SGF29: variants seen among roughly 807,000 people sequenced by gnomAD.
The protein encoded by SGF29 is SAGA complex associated factor 29, also known as SAGA-associated factor 29.
Under a neutral mutation model 38.1 loss-of-function variants are expected in SGF29, and 15 were observed. That is an observed-to-expected ratio of 0.39 (90% CI 0.26 to 0.61). The LOEUF (loss-of-function observed/expected upper bound fraction) is 0.61, where lower values mean the gene tolerates loss of function less well. Ranked by LOEUF, SGF29 falls within the 20% of genes least tolerant of loss-of-function variation. The pLI, the probability that SGF29 is intolerant of heterozygous loss-of-function variation, is 0.49. For missense variants in SGF29, 184 were observed against 394.6 expected (o/e 0.47, Z 4.52); for synonymous variants, 151 against 160.8 (o/e 0.94, Z 0.46).
chr16:28,564,588 TATAC>T (rs1311560200), intron 1 of SGF29, among the ~76,000 whole-genome samples: 1 of 130,340 alleles, frequency 7.7e-6, no homozygotes, highest in African/African-American at 2.8e-5. Context: ...CACGTATATA[TATAC>T]ACACATATAT....
intron 1 of SGF29, among the ~76,000 whole-genome samples, chr16:28,573,219 C>T (rs2046874906): frequency 6.6e-6 from 1 of 151,804 alleles, no homozygotes. Context: ...GGGGTGAGGA[C>T]CTGGGGGGGT....
At chr16:28,577,673 GAA>G in intron 1 of SGF29, among the ~76,000 whole-genome samples, 1 of 152,280 alleles carries the variant, frequency 6.6e-6, no homozygotes. Context: ...TTGTAGGTGT[GAA>G]GTGGTGTCTT....
intron 1 of SGF29, 99 bp from the exon 2 acceptor site, chr16:28,580,956 C>T: frequency 4.5e-6 from 4 of 896,650 alleles, no homozygotes; most frequent in East Asian, 2.6e-5. Context: ...GCTGGGATTA[C>T]AGCATGAGCC....
At chr16:28,584,841 C>A in intron 2 of SGF29, 72 bp from the exon 3 acceptor site, 4 of 1,038,518 alleles carry the variant, frequency 3.9e-6, no homozygotes, top group South Asian at 1.4e-5. Flanking sequence ...GATGGGGACT[C>A]TGGCCTGGCT....
At chr16:28,555,059 A>G (rs989729736) in intron 1 of SGF29, among the ~76,000 whole-genome samples, 1 of 152,198 alleles carries the variant, frequency 6.6e-6, no homozygotes, top group African/African-American at 2.4e-5. Context: ...TGGTGTTATT[A>G]CAGCTCACTG....
intron 2 of SGF29, among the ~76,000 whole-genome samples, chr16:28,584,375 C>T (rs962019977): frequency 6.6e-6 from 1 of 152,114 alleles, no homozygotes; most frequent in Admixed American, 6.5e-5. Context: ...AAAATGAGGG[C>T]CATAGCCGGG....
At chr16:28,564,597 A>T (rs1043620723) in intron 1 of SGF29, among the ~76,000 whole-genome samples, 1 of 131,300 alleles carries the variant, frequency 7.6e-6, no homozygotes, top group East Asian at 2.0e-4. Context: ...ATATACACAC[A>T]TATATGTGTA....
Position 28,590,678 on chromosome 16 carries a change from G to A in SGF29, c.602+12G>A. 1 of 1,614,116 alleles carries A rather than the reference G, an allele frequency of 6.2e-7. No homozygotes were observed. The highest frequency in any genetic ancestry group is 8.5e-7 in the Non-Finnish European group (1 of 1,180,000). On this transcript the variant is annotated intron_variant, in intron 8 of 9. Transcript: ENST00000317058. This position sits in a 1 kb window ranked among gnomAD's most constrained non-coding sequence, Gnocchi z 8.2. ...GAAGAAGGCAAAGAGTGAGTGTCCA[G>A]GCCAGGGCAGGGCATGGAGCCTGGG... is the stretch of plus-strand genomic sequence containing the variant.
chr16:28,585,775 T>G (rs182469671), intron 4 of SGF29, 55 bp downstream of exon 4: 2 of 1,522,284 alleles, frequency 1.3e-6, no homozygotes, highest in East Asian at 4.5e-5. Flanking sequence ...GGGGCTGGGC[T>G]GCAGGTCCAT....
intron 1 of SGF29, among the ~76,000 whole-genome samples, chr16:28,572,143 AT>A (rs1357953478): frequency 1.3e-5 from 2 of 150,916 alleles, no homozygotes; most frequent in Non-Finnish European, 2.9e-5. Context: ...CGCCCGGCTA[AT>A]TTTTAGTATT....
intron 1 of SGF29, among the ~76,000 whole-genome samples, chr16:28,572,517 C>T (rs2046870986): frequency 6.6e-6 from 1 of 152,126 alleles, no homozygotes; most frequent in Non-Finnish European, 1.5e-5. Flanking sequence ...AATCCGCCTG[C>T]CTCGGCTTCC....
intron 1 of SGF29, among the ~76,000 whole-genome samples, chr16:28,564,737 GTATA>G: frequency 8.8e-5 from 1 of 11,352 alleles, no homozygotes; most frequent in Admixed American, 1.2e-3. Flanking sequence ...ACATATATAT[GTATA>G]TATGTATATA....
At chr16:28,557,683 ACT>A (rs1434981972) in intron 1 of SGF29, among the ~76,000 whole-genome samples, 1 of 151,860 alleles carries the variant, frequency 6.6e-6, no homozygotes, top group Non-Finnish European at 1.5e-5. Flanking sequence ...GGGGTTTGAC[ACT>A]CTGTCTGGGT....
intron 1 of SGF29, among the ~76,000 whole-genome samples, chr16:28,563,473 C>A (rs976080352): frequency 3.9e-5 from 6 of 152,184 alleles, no homozygotes; most frequent in Non-Finnish European, 8.8e-5. Flanking sequence ...CTGAAAGTTT[C>A]AACCTCTGTG....
At chr16:28,584,104 C>T (rs1341124894) in intron 2 of SGF29, among the ~76,000 whole-genome samples, 1 of 151,552 alleles carries the variant, frequency 6.6e-6, no homozygotes, top group East Asian at 1.9e-4. Flanking sequence ...CTCACTGCAA[C>T]CTCAGCCTCC....
intron 1 of SGF29, among the ~76,000 whole-genome samples, chr16:28,568,675 G>T (rs761276764): frequency 6.6e-6 from 1 of 152,114 alleles, no homozygotes; most frequent in Non-Finnish European, 1.5e-5. Context: ...AGCACTTTGG[G>T]AGGCCGAGGG....
At chr16:28,561,014 G>A (rs1300042391) in intron 1 of SGF29, among the ~76,000 whole-genome samples, 1 of 151,200 alleles carries the variant, frequency 6.6e-6, no homozygotes, top group African/African-American at 2.4e-5. Flanking sequence ...GGACCCAGAT[G>A]TTGGTATCAA....
intron 1 of SGF29, among the ~76,000 whole-genome samples, chr16:28,572,415 C>T (rs1415219269): frequency 6.6e-6 from 1 of 152,202 alleles, no homozygotes; most frequent in Non-Finnish European, 1.5e-5. Context: ...ATTACAGGCA[C>T]CGGCCACCAC....
At chr16:28,576,758 A>G (rs898826400) in intron 1 of SGF29, among the ~76,000 whole-genome samples, 1 of 152,234 alleles carries the variant, frequency 6.6e-6, no homozygotes, top group Non-Finnish European at 1.5e-5. Context: ...CGCTCATAGC[A>G]GCATTATTCA....
Sources: gnomAD v4.1 joint callset for allele counts (sites outside exome capture counted in the v4.1 genomes callset) on GRCh38, gnomAD v4.1.1 for gene constraint, Gnocchi (gnomAD v3.1) non-coding constraint, MANE v1.5 for transcripts, NCBI Gene and HGNC (gene_info 2026-07-23, HGNC 2026-07-21) for gene names.